ASTN2: variants seen among roughly 807,000 people sequenced by gnomAD.
ASTN2 encodes astrotactin-2.
In ASTN2, 54 loss-of-function variants were observed where a neutral mutation model predicts 139.8. The ratio of observed to expected loss-of-function variants is 0.39; its 90% CI spans 0.31 to 0.48. ASTN2 has a LOEUF of 0.48. Among genes scored for constraint, ASTN2 ranks in the 20% least tolerant of loss-of-function variants. The pLI is 0.95. For synonymous variants in ASTN2, 756 were observed against 719.5 expected, an observed-to-expected ratio of 1.05 and a Z score of -0.81; for missense variants, 1,565 against 1,725.1, an observed-to-expected ratio of 0.91 and a Z score of 1.64.
intron 3 of ASTN2, among the ~76,000 whole-genome samples, chr9:117,172,892 C>T (rs1830827313): frequency 6.6e-6 from 1 of 152,098 alleles, no homozygotes; most frequent in Admixed American, 6.6e-5. Flanking sequence ...ACTTTGGCCA[C>T]CCCTTGGGTC....
At chr9:117,397,372 CAAAG>C (rs1223616212) in intron 1 of ASTN2, among the ~76,000 whole-genome samples, 1 of 151,926 alleles carries the variant, frequency 6.6e-6, no homozygotes, top group Admixed American at 6.6e-5. Context: ...TTAAAAAAAA[CAAAG>C]AAAGTCACTT....
Position 117,204,642 on chromosome 9 carries a change from T to C in ASTN2, c.1015+9716A>G, listed in dbSNP as rs149955573. ...CTCATTTGGGTTGGGTTGAGGAAGA[T>C]AACTGATGTAGAAACTGATTAGGGG... On this transcript the variant is annotated intron_variant, in intron 3 of 22. Coordinates refer to ENST00000313400, the MANE Select transcript of ASTN2 (RefSeq NM_001365068.1). Among the ~76,000 whole-genome samples, 322 of 152,258 alleles carry C rather than the reference T, an allele frequency of 2.1e-3. 3 individuals carry two copies. The highest frequency in any genetic ancestry group is 7.5e-3 in the African/African-American group (313 of 41,552).
chr9:116,756,763 C>T (rs7020460), intron 13 of ASTN2, among the ~76,000 whole-genome samples: 4 of 151,832 alleles, frequency 2.6e-5, no homozygotes, highest in African/African-American at 9.7e-5. Context: ...TAAGATGCTC[C>T]GAATAAAACA....
chr9:116,555,083 T>C (rs138904350), intron 19 of ASTN2, among the ~76,000 whole-genome samples: 72 of 152,320 alleles, frequency 4.7e-4, no homozygotes, highest in African/African-American at 1.6e-3. Context: ...TTAGTTTGTA[T>C]AAAGTGATAC....
At chr9:116,710,758 GAA>G (rs1176835811) in intron 16 of ASTN2, among the ~76,000 whole-genome samples, 9 of 106,728 alleles carry the variant, frequency 8.4e-5, no homozygotes, top group East Asian at 2.8e-4. Flanking sequence ...AAAAAAAAAA[GAA>G]GAGAAAAAAG....
chr9:116,725,984 A>G (rs763997255), intron 15 of ASTN2, 34 bp from the exon 16 acceptor site: 2 of 1,577,808 alleles, frequency 1.3e-6, no homozygotes, highest in South Asian at 2.3e-5. Context: ...AGGTGGTCAG[A>G]TGTGAGAGGC....
chr9:116,521,060 A>T (rs1850850417), intron 19 of ASTN2, among the ~76,000 whole-genome samples: 1 of 152,132 alleles, frequency 6.6e-6, no homozygotes, highest in African/African-American at 2.4e-5. Context: ...AATCAATATT[A>T]TGAAAATGAC....
At chr9:117,260,560 C>G (rs1258062753) in intron 2 of ASTN2, among the ~76,000 whole-genome samples, 1 of 152,160 alleles carries the variant, frequency 6.6e-6, no homozygotes, top group East Asian at 1.9e-4. Flanking sequence ...CTGTCAACAA[C>G]AGCAATGGTG....
At chr9:116,796,238 A>C (rs779928433) in intron 13 of ASTN2, among the ~76,000 whole-genome samples, 1 of 152,218 alleles carries the variant, frequency 6.6e-6, no homozygotes, top group Non-Finnish European at 1.5e-5. Context: ...CTATAGTCAC[A>C]CAGTTGGCCA....
chr9:116,775,312 TTA>T (rs989493130), intron 13 of ASTN2, among the ~76,000 whole-genome samples: 1 of 151,808 alleles, frequency 6.6e-6, no homozygotes, highest in Non-Finnish European at 1.5e-5. Flanking sequence ...GACCCATTCT[TTA>T]TGTTTGCTTT....
intron 16 of ASTN2, among the ~76,000 whole-genome samples, chr9:116,679,131 T>C (rs1859681092): frequency 6.6e-6 from 1 of 152,170 alleles, no homozygotes; most frequent in African/African-American, 2.4e-5. Flanking sequence ...TTTAAAAATT[T>C]TTGAAGTTAT....
chr9:117,035,526 A>C (rs992397311), intron 6 of ASTN2, among the ~76,000 whole-genome samples: 1 of 152,156 alleles, frequency 6.6e-6, no homozygotes, highest in African/African-American at 2.4e-5. Flanking sequence ...CCAGTAGTAC[A>C]ATTTATAAAA....
At chr9:116,446,190 A>G (rs1847982846) in intron 20 of ASTN2, among the ~76,000 whole-genome samples, 1 of 151,648 alleles carries the variant, frequency 6.6e-6, no homozygotes, top group South Asian at 2.1e-4. Context: ...AAATCCATAC[A>G]GCAGGAGAGT....
intron 13 of ASTN2, among the ~76,000 whole-genome samples, chr9:116,742,742 T>G (rs1361607564): frequency 1.3e-5 from 2 of 151,748 alleles, no homozygotes; most frequent in Non-Finnish European, 1.5e-5. Flanking sequence ...CAAGACTTCC[T>G]GGCCCCATAA....
intron 16 of ASTN2, among the ~76,000 whole-genome samples, chr9:116,677,043 A>AT (rs757866912): frequency 6.6e-6 from 1 of 152,214 alleles, no homozygotes; most frequent in Non-Finnish European, 1.5e-5. Flanking sequence ...ATTTGAAATG[A>AT]TTTTTTTTAA....
chr9:117,181,628 T>C (rs1367594319), intron 3 of ASTN2, among the ~76,000 whole-genome samples: 1 of 152,180 alleles, frequency 6.6e-6, no homozygotes, highest in African/African-American at 2.4e-5. Context: ...GTCCCAATTG[T>C]AGCTCTACCA....
At chr9:116,895,379 TCCCAA>T (rs2132395301) in intron 10 of ASTN2, among the ~76,000 whole-genome samples, 1 of 152,318 alleles carries the variant, frequency 6.6e-6, no homozygotes, top group African/African-American at 2.4e-5. Flanking sequence ...ACTTCTCTAG[TCCCAA>T]GCATTTCAGA....
At chr9:116,949,919 C>CTT (rs1835509961) in intron 10 of ASTN2, among the ~76,000 whole-genome samples, 1 of 152,018 alleles carries the variant, frequency 6.6e-6, no homozygotes, top group South Asian at 2.1e-4. Context: ...GTATGAAACA[C>CTT]ACTTAGACCA....
chr9:116,732,739 A>G (rs1011362336), intron 14 of ASTN2, among the ~76,000 whole-genome samples: 1 of 152,184 alleles, frequency 6.6e-6, no homozygotes, highest in African/African-American at 2.4e-5. Flanking sequence ...TTCCCAGTGG[A>G]GAGAGAAAGT....
Sources: gnomAD v4.1 joint callset for allele counts (sites outside exome capture counted in the v4.1 genomes callset) on GRCh38, gnomAD v4.1.1 for gene constraint, MANE v1.5 for transcripts, NCBI Gene and HGNC (gene_info 2026-07-23, HGNC 2026-07-21) for gene names.